Variants in FRYL observed in about 807,000 individuals in gnomAD.
FRYL encodes the protein FRY like transcription coactivator.
Under a neutral mutation model 351.2 loss-of-function variants are expected in FRYL, and 150 were observed. The ratio of observed to expected loss-of-function variants is 0.43; its 90% CI spans 0.37 to 0.49. The LOEUF is 0.49. Among genes scored for constraint, FRYL ranks in the 20% least tolerant of loss-of-function variants. The pLI, the probability that FRYL is intolerant of heterozygous loss-of-function variation, is 0.00. For missense variants in FRYL, 3,036 were observed against 3,619.3 expected, an observed-to-expected ratio of 0.84 and a Z score of 4.13; for synonymous variants, 1,153 against 1,257.1, an observed-to-expected ratio of 0.92 and a Z score of 1.75.
intron 3 of FRYL, among the ~76,000 whole-genome samples, chr4:48,679,348 A>G (rs1764266042): frequency 6.6e-6 from 1 of 152,150 alleles, no homozygotes; most frequent in Admixed American, 6.5e-5. Flanking sequence ...TTTAAAAAGA[A>G]AGTATGGTTT....
intron 1 of FRYL, among the ~76,000 whole-genome samples, chr4:48,725,733 T>G (rs553448230): frequency 1.4e-3 from 210 of 152,330 alleles, no homozygotes; most frequent in African/African-American, 4.9e-3. Context: ...CAAGTAATCT[T>G]TATTTTACTT....
chr4:48,602,160 A>C, intron 12 of FRYL, 39 bp from the exon 13 acceptor site: 1 of 1,032,226 alleles, frequency 9.7e-7, no homozygotes, highest in East Asian at 2.4e-5. Flanking sequence ...AACATTTTTC[A>C]TCGAAAAGCA....
chr4:48,741,373 TA>T lies in FRYL; in HGVS notation c.-383-30676del, dbSNP rs1772045705. On this transcript the variant is annotated intron_variant, in intron 1 of 63. Coordinates refer to ENST00000358350, the MANE Select transcript of FRYL (RefSeq NM_015030.2). ...AGCTAATACAGTGAAACCCCATCTC[TA>T]CTAAAAATACAAAAAATTAGCCAGG... Among the ~76,000 whole-genome samples the T allele has an allele frequency of 1.2e-4, 18 of 151,912 alleles. No homozygotes were observed. In the South Asian group the frequency reaches 3.5e-3, roughly 30 times the overall value.
Position 48,567,237 on chromosome 4 carries a change from G to C in FRYL, c.3169+11C>G, listed in dbSNP as rs1173322015. ...ATACTCAATAATGCTTTAAGAAACT[G>C]AAAATAATACCTGGAACATTCTGAA... On this transcript the variant is annotated intron_variant, in intron 28 of 63. Coordinates refer to ENST00000358350, the MANE Select transcript of FRYL (RefSeq NM_015030.2). The surrounding 1 kb of genome is among the most constrained non-coding windows in gnomAD (Gnocchi z 4.2). The C allele has an allele frequency of 6.3e-7, 1 of 1,597,012 alleles. No individual in the cohort carries two copies. The highest frequency in any genetic ancestry group is 8.5e-7 in the Non-Finnish European group (1 of 1,174,234).
chr4:48,762,250 T>C (rs1578958561), intron 1 of FRYL, among the ~76,000 whole-genome samples: 1 of 152,352 alleles, frequency 6.6e-6, no homozygotes, highest in East Asian at 1.9e-4. Context: ...CCCCAAAGTG[T>C]AATATATTGG....
At chr4:48,612,081 A>G (rs1748321947) in intron 7 of FRYL, among the ~76,000 whole-genome samples, 1 of 152,180 alleles carries the variant, frequency 6.6e-6, no homozygotes, top group Non-Finnish European at 1.5e-5. Context: ...TCCTTACTAA[A>G]TAACCATTAC....
intron 59 of FRYL, 42 bp downstream of exon 59, chr4:48,510,017 C>T: frequency 1.5e-6 from 2 of 1,354,560 alleles, no homozygotes; most frequent in Non-Finnish European, 2.1e-6. Flanking sequence ...CTTCCAGTGT[C>T]AAGAGCAAAC....
chr4:48,592,114 A>ATATATATATATATATATATATT lies in FRYL; in HGVS notation c.1336-1285_1336-1284insAATATATATATATATATATATA, dbSNP rs1272210127. Among the ~76,000 whole-genome samples, 64 of 136,898 alleles carry ATATATATATATATATATATATT rather than the reference A, an allele frequency of 4.7e-4. 1 individual carries two copies. Among genetic ancestry groups the ATATATATATATATATATATATT allele is most frequent in the African/African-American group, 1.8e-3 (62 of 34,352 alleles). 89.8% of individuals were successfully genotyped at this position (136,898 alleles called of 152,430 possible). A position where few individuals can be genotyped will look rare whatever the true frequency, so the allele number is the denominator to read the frequency against. ...TATATATATATATATATATATATATATTTTATCTAAGTAAGATTAAAAGTT... is the reference window on the plus strand; with the variant it reads ...TATATATATATATATATATATATATATATATATATATATATATATATTTTTTATCTAAGTAAGATTAAAAGTT... On this transcript the variant is annotated intron_variant, in intron 16 of 63. Transcript: ENST00000358350.
rs866982499 is a variant in FRYL, at chr4:48,511,472, C to G, written c.8146-488G>C. Reference sequence around the variant, plus strand: ...TCCAGGAATATTCATTTCCATAAAACAGACAGTGCCTGACTCATAGTAAGT... The same window carrying G: ...TCCAGGAATATTCATTTCCATAAAAGAGACAGTGCCTGACTCATAGTAAGT... On this transcript the variant is annotated intron_variant, in intron 57 of 63. Transcript: ENST00000358350. Among the ~76,000 whole-genome samples, 32 of 152,238 alleles carry G rather than the reference C, an allele frequency of 2.1e-4. 1 individual carries two copies. Among genetic ancestry groups the G allele is most frequent in the African/African-American group, 7.2e-4 (30 of 41,556 alleles).
chr4:48,723,010 C>A (rs1343840651), intron 1 of FRYL, among the ~76,000 whole-genome samples: 1 of 152,080 alleles, frequency 6.6e-6, no homozygotes, highest in Non-Finnish European at 1.5e-5. Context: ...TTTTTTCTCT[C>A]CTCCTAAGGG....
chr4:48,557,612 T>A lies in FRYL; in HGVS notation c.3966A>T (p.Lys1322Asn), dbSNP rs1330618837. The A allele has an allele frequency of 6.2e-7, 1 of 1,613,726 alleles. No homozygotes were observed. The highest frequency in any genetic ancestry group is 8.5e-7 in the Non-Finnish European group (1 of 1,179,970). Residue 1322 changes from lysine (K) to asparagine (N), a missense_variant, in exon 34 of 64, where the codon AAA becomes AAT. By Grantham distance (94) the Lys-to-Asn change is moderately conservative. Transcript: ENST00000358350. ...CATGTCGCCTTGCTGTGGGGAGAGGTTTTAAGTCCACCAGCTCGATGTTGT... is the reference window on the plus strand; with the variant it reads ...CATGTCGCCTTGCTGTGGGGAGAGGATTTAAGTCCACCAGCTCGATGTTGT... ...WMNNIELVDLKPLPTARRHDE... is the reference protein window; with the variant it reads ...WMNNIELVDLNPLPTARRHDE...
At chr4:48,627,543 A>G (rs1040462980) in intron 4 of FRYL, among the ~76,000 whole-genome samples, 5 of 152,170 alleles carry the variant, frequency 3.3e-5, no homozygotes. Flanking sequence ...CTTTTCCTGA[A>G]GCGGAAAATG....
intron 1 of FRYL, among the ~76,000 whole-genome samples, chr4:48,749,761 T>C (rs1773057151): frequency 6.6e-6 from 1 of 152,174 alleles, no homozygotes; most frequent in Non-Finnish European, 1.5e-5. Context: ...CCGTGTTTCC[T>C]GTCCCATATC....
chr4:48,578,901 AT>A, intron 23 of FRYL, 71 bp downstream of exon 23: 2 of 1,359,174 alleles, frequency 1.5e-6, no homozygotes, highest in Non-Finnish European at 1.0e-6. Flanking sequence ...ATACTTTTGA[AT>A]TTTTCAAATA....
intron 58 of FRYL, 88 bp from the exon 59 acceptor site, chr4:48,510,245 T>C (rs530864991): frequency 1.3e-4 from 124 of 949,282 alleles, no homozygotes; most frequent in Non-Finnish European, 2.0e-4. Context: ...AGTCATGGAA[T>C]AGCTGTTAGT....
chr4:48,636,232 G>A (rs1754207604), intron 3 of FRYL, among the ~76,000 whole-genome samples: 1 of 152,034 alleles, frequency 6.6e-6, no homozygotes, highest in African/African-American at 2.4e-5. Flanking sequence ...GAGGGAATCT[G>A]TTAACAAATG....
At chr4:48,510,298 A>AGAGCTGAGCTCTCACTG in intron 58 of FRYL, 141 bp from the exon 59 acceptor site, 1 of 663,364 alleles carries the variant, frequency 1.5e-6, no homozygotes, top group South Asian at 1.8e-5. Context: ...TCCCATACTT[A>AGAGCTGAGCTCTCACTG]GAGCTGAGCT....
chr4:48,590,934 G>A (rs1291057252), intron 16 of FRYL, 104 bp from the exon 17 acceptor site: 3 of 809,694 alleles, frequency 3.7e-6, no homozygotes, highest in Admixed American at 5.2e-5. Context: ...GGGGTGGAAG[G>A]AAGGAAGATA....
At chr4:48,535,610 CACACAT>C (rs1340460094) in intron 48 of FRYL, 41 bp downstream of exon 48, 31 of 1,182,436 alleles carry the variant, frequency 2.6e-5, no homozygotes, top group Non-Finnish European at 3.5e-5. Context: ...CACACACACA[CACACAT>C]ATATATATAG....
Sources: gnomAD v4.1 joint callset for allele counts (sites outside exome capture counted in the v4.1 genomes callset) on GRCh38, gnomAD v4.1.1 for gene constraint, Gnocchi (gnomAD v3.1) non-coding constraint, MANE v1.5 for transcripts, NCBI Gene and HGNC (gene_info 2026-07-23, HGNC 2026-07-21) for gene names.